NTM: variants seen among roughly 807,000 people sequenced by gnomAD.
The protein encoded by NTM is IgLON family member 2.
A neutral mutation model predicts 42.1 loss-of-function variants in NTM; 13 were observed. That is an observed-to-expected ratio of 0.31 (90% confidence interval 0.20 to 0.49). NTM has a LOEUF of 0.49. NTM is among the 20% of genes least tolerant of loss of function. The pLI, the probability that NTM is intolerant of heterozygous loss-of-function variation, is 0.99. For synonymous variants in NTM, 187 were observed against 179.2 expected (o/e 1.04, Z -0.35); for missense variants, 373 against 452.8 (o/e 0.82, Z 1.60).
chr11:131,567,652 C>A (rs1466552411), intron 1 of NTM, among the ~76,000 whole-genome samples: 1 of 152,238 alleles, frequency 6.6e-6, no homozygotes, highest in African/African-American at 2.4e-5. Flanking sequence ...ATTAAAAAAT[C>A]TTCTTTCCAT....
intron 1 of NTM, among the ~76,000 whole-genome samples, chr11:131,806,895 C>T (rs73595164): frequency 0.069 from 10,570 of 152,196 alleles, 1,250 homozygotes; most frequent in African/African-American, 0.24. Context: ...GAGGAGAAAA[C>T]ACATAAACCA....
chr11:131,962,546 G>A (rs946121515), intron 2 of NTM, among the ~76,000 whole-genome samples: 1 of 152,184 alleles, frequency 6.6e-6, no homozygotes, highest in South Asian at 2.1e-4. Context: ...CAGGAGGCGG[G>A]CCCTTGCCCT....
chr11:132,301,131 TG>T (rs754603975), intron 4 of NTM, among the ~76,000 whole-genome samples: 10 of 152,174 alleles, frequency 6.6e-5, no homozygotes, highest in Non-Finnish European at 1.3e-4. Context: ...TCCTCAGGGC[TG>T]GGGAGGCCTC....
chr11:131,459,694 A>C (rs1324401944), intron 1 of NTM, among the ~76,000 whole-genome samples: 1 of 152,122 alleles, frequency 6.6e-6, no homozygotes, highest in Non-Finnish European at 1.5e-5. Context: ...TGGTGGGTGA[A>C]TTTGTACCTA....
chr11:131,922,665 C>T (rs1349316609), intron 2 of NTM, among the ~76,000 whole-genome samples: 2 of 152,218 alleles, frequency 1.3e-5, no homozygotes, highest in Admixed American at 6.5e-5. Context: ...CGTCTCTCCT[C>T]GGCTCTTCTG....
chr11:131,374,657 T>C (rs1048395064), intron 1 of NTM, among the ~76,000 whole-genome samples: 1 of 152,150 alleles, frequency 6.6e-6, no homozygotes, highest in African/African-American at 2.4e-5. Context: ...TGGGTTCTGC[T>C]CTCTGCCTGC....
At chr11:131,541,458 C>A (rs1028086034) in intron 1 of NTM, among the ~76,000 whole-genome samples, 1 of 152,206 alleles carries the variant, frequency 6.6e-6, no homozygotes, top group Non-Finnish European at 1.5e-5. Flanking sequence ...GAGAGTAGAC[C>A]TTACAGCCAC....
chr11:131,872,207 ACAGAACT>A (rs2047860144), intron 1 of NTM, among the ~76,000 whole-genome samples: 1 of 152,302 alleles, frequency 6.6e-6, no homozygotes, highest in South Asian at 2.1e-4. Flanking sequence ...AGGTGAGGAA[ACAGAACT>A]CAGGAGCTTG....
chr11:131,469,925 A>G (rs1332512495), intron 1 of NTM, among the ~76,000 whole-genome samples: 1 of 152,184 alleles, frequency 6.6e-6, no homozygotes, highest in Non-Finnish European at 1.5e-5. Context: ...TCTAAAGTCT[A>G]ATTTGGTTTG....
At chr11:132,023,571 C>A (rs543700) in intron 2 of NTM, among the ~76,000 whole-genome samples, 64,533 of 151,796 alleles carry the variant, frequency 0.43, 14,087 homozygotes, top group African/African-American at 0.5. Flanking sequence ...GTGTCTAGCT[C>A]TCTTTGCATT....
chr11:132,033,953 T>C (rs2076219670), intron 2 of NTM, among the ~76,000 whole-genome samples: 1 of 152,224 alleles, frequency 6.6e-6, no homozygotes, highest in African/African-American at 2.4e-5. Context: ...CTTCATAGAA[T>C]ATTCAGTTTT....
At chr11:132,207,883 A>T (rs757585436) in intron 3 of NTM, among the ~76,000 whole-genome samples, 1 of 152,194 alleles carries the variant, frequency 6.6e-6, no homozygotes, top group Non-Finnish European at 1.5e-5. Context: ...ATAACACGTG[A>T]TTCACCATTC....
chr11:132,220,262 C>A (rs2084869611), intron 4 of NTM, among the ~76,000 whole-genome samples: 1 of 152,170 alleles, frequency 6.6e-6, no homozygotes, highest in Non-Finnish European at 1.5e-5. Context: ...GAACTCCTTA[C>A]ATAAGTGGCT....
chr11:131,721,321 A>G (rs1369563859), intron 1 of NTM, among the ~76,000 whole-genome samples: 1 of 152,124 alleles, frequency 6.6e-6, no homozygotes, highest in African/African-American at 2.4e-5. Context: ...AAGATATGGG[A>G]TAAATTCCTG....
In NTM at chr11:131,584,725, C is replaced by T. The variant is rs533414476; in HGVS notation, c.82+213837C>T. Among the ~76,000 whole-genome samples, 4 of 152,358 alleles carry T rather than the reference C, an allele frequency of 2.6e-5. No individual in the cohort carries two copies. The East Asian group carries it at 7.7e-4, about 29-fold the overall frequency. Reference sequence around the variant, plus strand: ...AATTTTGTGAGATTACAGCCTGTGTCAATCACCCTGGACGGAGCCATTTCA... The same window carrying T: ...AATTTTGTGAGATTACAGCCTGTGTTAATCACCCTGGACGGAGCCATTTCA... On this transcript the variant is annotated intron_variant, in intron 1 of 8. Coordinates refer to ENST00000683400, the MANE Select transcript of NTM (RefSeq NM_001352005.2).
chr11:131,751,349 G>A (rs147641315), intron 1 of NTM, among the ~76,000 whole-genome samples: 1 of 152,058 alleles, frequency 6.6e-6, no homozygotes, highest in East Asian at 1.9e-4. Flanking sequence ...CCAGCACTTC[G>A]GGAGGCTGAG....
At chr11:131,999,016 C>T (rs1281588960) in intron 2 of NTM, among the ~76,000 whole-genome samples, 1 of 152,138 alleles carries the variant, frequency 6.6e-6, no homozygotes, top group Non-Finnish European at 1.5e-5. Context: ...TTTCCAGATC[C>T]AGAATCACTC....
chr11:132,335,765 C>T lies in NTM; in HGVS notation c.*619C>T, dbSNP rs1258909332. On this transcript the variant is annotated 3_prime_UTR_variant, in exon 9 of 9. Coordinates refer to ENST00000683400, the MANE Select transcript of NTM (RefSeq NM_001352005.2). ...TTTTATCATTTTACTACATGAACATCATGGATAACAAGGGATTCTGATTCA... is the reference window on the plus strand; with the variant it reads ...TTTTATCATTTTACTACATGAACATTATGGATAACAAGGGATTCTGATTCA... 1.3e-5 allele frequency: 2 copies of T among 151,494 alleles called. No individual in the cohort carries two copies. The highest frequency in any genetic ancestry group is 4.9e-5 in the African/African-American group (2 of 41,010). 9.4% of individuals were successfully genotyped at this position (151,494 alleles called of 1,614,324 possible).
intron 3 of NTM, among the ~76,000 whole-genome samples, chr11:132,189,493 C>T (rs188722379): frequency 4.6e-5 from 7 of 152,278 alleles, no homozygotes; most frequent in Admixed American, 4.6e-4. Flanking sequence ...GCCTGCAGGA[C>T]ATTGTTTTAT....
Sources: gnomAD v4.1 joint callset for allele counts (sites outside exome capture counted in the v4.1 genomes callset) on GRCh38, gnomAD v4.1.1 for gene constraint, MANE v1.5 for transcripts, NCBI Gene and HGNC (gene_info 2026-07-23, HGNC 2026-07-21) for gene names.